The following MBTD1 variants were observed in gnomAD, a reference collection of about 807,000 sequenced individuals.
The protein encoded by MBTD1 is mbt domain containing 1, also known as MBT domain-containing protein 1.
Under a neutral mutation model 87.8 loss-of-function variants are expected in MBTD1, and 24 were observed. The ratio of observed to expected loss-of-function variants is 0.27; its 90% CI spans 0.20 to 0.38. The LOEUF is 0.38. Ranked by LOEUF, MBTD1 falls within the 10% of genes least tolerant of loss-of-function variation. The pLI, the probability that MBTD1 is intolerant of heterozygous loss-of-function variation, is 1.00. For synonymous variants in MBTD1, 237 were observed against 248.6 expected, an observed-to-expected ratio of 0.95 and a Z score of 0.44; for missense variants, 436 against 760.2, an observed-to-expected ratio of 0.57 and a Z score of 5.02.
intron 2 of MBTD1, among the ~76,000 whole-genome samples, chr17:51,232,782 A>T (rs528444606): frequency 6.6e-6 from 1 of 152,270 alleles, no homozygotes; most frequent in East Asian, 1.9e-4. Flanking sequence ...TCATGTCTAT[A>T]ATCCCAGAAC....
At position 51,206,737 on chromosome 17, in the gene MBTD1, C is replaced by A. The variant is rs2051862854; in HGVS notation, c.604+151G>T. On this transcript the variant is annotated intron_variant, in intron 7 of 16. Coordinates refer to ENST00000586178, the MANE Select transcript of MBTD1 (RefSeq NM_017643.3). ...TGCAAAGTTGAAAATATTTGTTTGG[C>A]TTTTCACAGAAAACAATTTGCCAAC... The A allele has an allele frequency of 5.3e-6, 3 of 561,330 alleles. No homozygotes were observed. The East Asian group carries it at 8.8e-5, about 16-fold the overall frequency. The allele number at this position is 561,330 out of a possible 1,614,324, so 34.8% of individuals were successfully genotyped here.
intron 2 of MBTD1, among the ~76,000 whole-genome samples, chr17:51,234,525 C>T (rs1328067147): frequency 6.6e-6 from 1 of 151,956 alleles, no homozygotes; most frequent in Non-Finnish European, 1.5e-5. Flanking sequence ...TGGACAAATT[C>T]CTTCAGAGAC....
At chr17:51,222,498 G>A (rs1045196022) in intron 3 of MBTD1, among the ~76,000 whole-genome samples, 4 of 152,040 alleles carry the variant, frequency 2.6e-5, no homozygotes, top group South Asian at 2.1e-4. Context: ...TCCGCCTTCC[G>A]GATTCAAGCA....
Position 51,180,237 on chromosome 17 carries a change from T to G in MBTD1, c.*339A>C. ...AACAGCTATATCCTTCTTAAATCATTTCCTTCAATCCTGCTACCTAAACTT... is the reference window on the plus strand; with the variant it reads ...AACAGCTATATCCTTCTTAAATCATGTCCTTCAATCCTGCTACCTAAACTT... On this transcript the variant is annotated 3_prime_UTR_variant, in exon 17 of 17. Coordinates refer to ENST00000586178, the MANE Select transcript of MBTD1 (RefSeq NM_017643.3). 1 of 195,458 alleles carries G rather than the reference T, an allele frequency of 5.1e-6. No individual in the cohort carries two copies. Among genetic ancestry groups the G allele is most frequent in the Non-Finnish European group, 1.0e-5 (1 of 97,002 alleles). 12.1% of individuals were successfully genotyped at this position (195,458 alleles called of 1,614,324 possible). A position where few individuals can be genotyped will look rare whatever the true frequency, so the allele number is the denominator to read the frequency against.
chr17:51,189,520 C>T (rs2050701281), intron 16 of MBTD1, among the ~76,000 whole-genome samples: 1 of 152,128 alleles, frequency 6.6e-6, no homozygotes, highest in Admixed American at 6.6e-5. Flanking sequence ...TTTCCATGTT[C>T]CCAGCCCATT....
At chr17:51,248,684 T>G (rs1214365939) in intron 2 of MBTD1, among the ~76,000 whole-genome samples, 1 of 152,238 alleles carries the variant, frequency 6.6e-6, no homozygotes, top group African/African-American at 2.4e-5. Flanking sequence ...TTCATTCATG[T>G]TACATGTATA....
At chr17:51,247,718 G>A (rs1019039139) in intron 2 of MBTD1, among the ~76,000 whole-genome samples, 3 of 152,148 alleles carry the variant, frequency 2.0e-5, no homozygotes, top group Non-Finnish European at 4.4e-5. Flanking sequence ...CCAAAATGCT[G>A]GGATTACAGG....
At position 51,237,072 on chromosome 17, in the gene MBTD1, G is replaced by A. The variant is rs534277726; in HGVS notation, c.-48-11863C>T. Among the ~76,000 whole-genome samples, 46 of 152,136 alleles carry A rather than the reference G, an allele frequency of 3.0e-4. 1 individual carries two copies. In the South Asian group the frequency reaches 7.9e-3, roughly 26 times the overall value. The stretch of plus-strand genomic sequence containing the variant: ...CAGCACCTGGGAGGCCGAGGCGGGC[G>A]GATCACCTGAGGTCAGTAGTTCAAG... On this transcript the variant is annotated intron_variant, in intron 2 of 16. Transcript: ENST00000586178.
intron 2 of MBTD1, among the ~76,000 whole-genome samples, chr17:51,225,417 T>A (rs1292053740): frequency 6.6e-6 from 1 of 150,566 alleles, no homozygotes; most frequent in Admixed American, 6.6e-5. Flanking sequence ...GCAGTGACAA[T>A]CTTCGGTCAC....
intron 2 of MBTD1, among the ~76,000 whole-genome samples, 189 bp downstream of exon 2, chr17:51,258,953 GT>G (rs2055266459): frequency 6.6e-6 from 1 of 152,156 alleles, no homozygotes; most frequent in African/African-American, 2.4e-5. Flanking sequence ...TGAGCAGTGG[GT>G]GGGTGAGGAG....
chr17:51,241,275 G>C (rs923172813), intron 2 of MBTD1, among the ~76,000 whole-genome samples: 3 of 152,008 alleles, frequency 2.0e-5, no homozygotes, highest in African/African-American at 7.3e-5. Context: ...CACCTGGCTG[G>C]TGTTAATTTT....
chr17:51,207,582 A>G (rs1221067129), intron 6 of MBTD1, among the ~76,000 whole-genome samples: 1 of 152,208 alleles, frequency 6.6e-6, no homozygotes, highest in African/African-American at 2.4e-5. Context: ...GTACCATGGT[A>G]AACTATTTAA....
chr17:51,199,133 T>C (rs1211746623), intron 12 of MBTD1, among the ~76,000 whole-genome samples: 2 of 152,136 alleles, frequency 1.3e-5, no homozygotes, highest in Non-Finnish European at 2.9e-5. Flanking sequence ...AGTTTTGCTC[T>C]TGTTGCCCAG....
rs1359047495 is a variant in MBTD1, at chr17:51,178,029, C to T, written c.*2547G>A. On this transcript the variant is annotated 3_prime_UTR_variant, in exon 17 of 17. Coordinates refer to ENST00000586178, the MANE Select transcript of MBTD1 (RefSeq NM_017643.3). ...GAAGTTGATAACAGCTTTAGCTTTCCTCATACACGGCAAGGAAAAGGTTAA... is the reference window on the plus strand; with the variant it reads ...GAAGTTGATAACAGCTTTAGCTTTCTTCATACACGGCAAGGAAAAGGTTAA... 6.6e-6 allele frequency: 1 copy of T among 152,132 alleles called. No homozygotes were observed. Among genetic ancestry groups the T allele is most frequent in the African/African-American group, 2.4e-5 (1 of 41,430 alleles). 9.4% of individuals were successfully genotyped at this position (152,132 alleles called of 1,614,324 possible).
rs1170218728 is a variant in MBTD1, at chr17:51,179,268, GTT to G, written c.*1306_*1307del. The G allele has an allele frequency of 6.6e-6, 1 of 151,528 alleles. No individual in the cohort carries two copies. The highest frequency in any genetic ancestry group is 1.5e-5 in the Non-Finnish European group (1 of 67,954). The allele number at this position is 151,528 out of a possible 1,614,324, so 9.4% of individuals were successfully genotyped here. ...GATGCAATTAATTCCTGAGAGTTTA[GTT>G]TATGAACCTCACTGGTAAACGCTAG... On this transcript the variant is annotated 3_prime_UTR_variant, in exon 17 of 17. Coordinates refer to ENST00000586178, the MANE Select transcript of MBTD1 (RefSeq NM_017643.3).
At chr17:51,181,599 G>A (rs2144958303) in intron 16 of MBTD1, among the ~76,000 whole-genome samples, 1 of 152,240 alleles carries the variant, frequency 6.6e-6, no homozygotes, top group Admixed American at 6.5e-5. Context: ...CGAGATTACA[G>A]TGACCTATGA....
intron 10 of MBTD1, 78 bp from the exon 11 acceptor site, chr17:51,202,155 T>C: frequency 1.2e-6 from 1 of 809,186 alleles, no homozygotes; most frequent in African/African-American, 1.7e-5. Context: ...GGCTTCAAAC[T>C]CACAAAGTAT....
chr17:51,207,058 A>G, intron 6 of MBTD1, 53 bp from the exon 7 acceptor site: 4 of 961,428 alleles, frequency 4.2e-6, no homozygotes, highest in Non-Finnish European at 4.9e-6. Flanking sequence ...AGCCTAAAAC[A>G]TATCAATGAA....
intron 12 of MBTD1, among the ~76,000 whole-genome samples, chr17:51,195,791 A>G (rs2051065617): frequency 6.6e-6 from 1 of 152,130 alleles, no homozygotes; most frequent in African/African-American, 2.4e-5. Context: ...TCAAGCTCCA[A>G]CTTGATCTCT....
Sources: allele counts gnomAD v4.1 joint callset (sites outside exome capture counted in the v4.1 genomes callset), GRCh38; gene constraint gnomAD v4.1.1; transcripts MANE v1.5; gene names NCBI Gene and HGNC (gene_info 2026-07-23, HGNC 2026-07-21).